STIM1: variants seen among roughly 807,000 people sequenced by gnomAD.
The protein encoded by STIM1 is stromal interaction molecule 1.
Under a neutral mutation model 74.7 loss-of-function variants are expected in STIM1, and 25 were observed. The ratio of observed to expected loss-of-function variants is 0.33; its 90% CI spans 0.24 to 0.47. The LOEUF is 0.47. Ranked by LOEUF, STIM1 falls within the 20% of genes least tolerant of loss-of-function variation. STIM1 has a pLI of 1.00. For synonymous variants in STIM1, 328 were observed against 348.8 expected (o/e 0.94, Z 0.66); for missense variants, 728 against 920.8 (o/e 0.79, Z 2.71).
At chr11:3,977,170 G>C (rs1309422092) in intron 2 of STIM1, among the ~76,000 whole-genome samples, 1 of 152,136 alleles carries the variant, frequency 6.6e-6, no homozygotes, top group Non-Finnish European at 1.5e-5. Context: ...TATCTGGTTT[G>C]TCTCTCTTTT....
chr11:3,967,151 G>A (rs1029267873), intron 1 of STIM1, among the ~76,000 whole-genome samples: 4 of 152,190 alleles, frequency 2.6e-5, no homozygotes, highest in Non-Finnish European at 5.9e-5. Context: ...TTACATTTGT[G>A]TATTTGGCTG....
At chr11:3,876,148 A>G (rs1399191416) in intron 1 of STIM1, among the ~76,000 whole-genome samples, 2 of 152,186 alleles carry the variant, frequency 1.3e-5, no homozygotes, top group Non-Finnish European at 2.9e-5. Context: ...AAGTAAGATA[A>G]TGTATGTGAA....
At chr11:4,009,565 G>A (rs988455231) in intron 2 of STIM1, among the ~76,000 whole-genome samples, 84 of 151,796 alleles carry the variant, frequency 5.5e-4, no homozygotes, top group Non-Finnish European at 8.8e-5. Flanking sequence ...CTGAGATCAT[G>A]CCACTGCACT....
intron 2 of STIM1, among the ~76,000 whole-genome samples, chr11:4,000,027 G>T (rs1053795405): frequency 6.6e-6 from 1 of 152,122 alleles, no homozygotes; most frequent in Non-Finnish European, 1.5e-5. Context: ...CAGCGAGGCT[G>T]GGGGAGGGGC....
At chr11:3,985,143 C>T (rs1053175420) in intron 2 of STIM1, among the ~76,000 whole-genome samples, 4 of 152,142 alleles carry the variant, frequency 2.6e-5, no homozygotes, top group East Asian at 1.9e-4. Flanking sequence ...GAAAACCCGA[C>T]GGTGGCTTGC....
intron 1 of STIM1, among the ~76,000 whole-genome samples, chr11:3,900,667 C>G (rs1159913407): frequency 6.6e-6 from 1 of 152,210 alleles, no homozygotes; most frequent in African/African-American, 2.4e-5. Context: ...CTCACTGCAG[C>G]CTTCTGGGCA....
intron 1 of STIM1, among the ~76,000 whole-genome samples, chr11:3,861,800 T>A (rs1212546607): frequency 6.6e-6 from 1 of 152,092 alleles, no homozygotes; most frequent in African/African-American, 2.4e-5. Context: ...CCCTTAGGGA[T>A]ATGGGGCCTT....
intron 2 of STIM1, among the ~76,000 whole-genome samples, chr11:3,993,397 C>G (rs1016069822): frequency 7.2e-5 from 11 of 152,180 alleles, no homozygotes; most frequent in Admixed American, 6.5e-5. Flanking sequence ...TGGCTCAAGC[C>G]TGTAATCCCA....
At chr11:3,870,289 A>G (rs543918436) in intron 1 of STIM1, among the ~76,000 whole-genome samples, 21 of 152,324 alleles carry the variant, frequency 1.4e-4, no homozygotes, top group African/African-American at 4.6e-4. Flanking sequence ...CCTTGACTCT[A>G]GGAAAATCAG....
At chr11:3,988,774 G>C (rs746924833) in intron 2 of STIM1, among the ~76,000 whole-genome samples, 46 of 152,312 alleles carry the variant, frequency 3.0e-4, no homozygotes, top group Non-Finnish European at 5.0e-4. Flanking sequence ...CATGGGAATA[G>C]AAGTAATTTA....
intron 4 of STIM1, among the ~76,000 whole-genome samples, chr11:4,058,242 A>G (rs531383988): frequency 6.6e-6 from 1 of 152,316 alleles, no homozygotes; most frequent in South Asian, 2.1e-4. Context: ...GCAACTTATG[A>G]TCAGACAAAT....
chr11:4,028,653 G>T (rs907265685), intron 3 of STIM1, among the ~76,000 whole-genome samples: 1 of 151,076 alleles, frequency 6.6e-6, no homozygotes. Context: ...TAGGTGATCC[G>T]CCTGCCTCGG....
intron 1 of STIM1, among the ~76,000 whole-genome samples, chr11:3,951,853 G>T (rs17279635): frequency 0.24 from 36,870 of 152,038 alleles, 5,619 homozygotes; most frequent in South Asian, 0.45. Context: ...GCACAAGAAC[G>T]TTTGGGTCAG....
intron 1 of STIM1, among the ~76,000 whole-genome samples, chr11:3,867,772 T>G (rs1045396775): frequency 1.3e-5 from 2 of 152,224 alleles, no homozygotes; most frequent in African/African-American, 4.8e-5. Flanking sequence ...TTTCCTCGGT[T>G]GGCCATATAC....
intron 6 of STIM1, among the ~76,000 whole-genome samples, chr11:4,072,143 C>A (rs937439344): frequency 6.6e-6 from 1 of 152,176 alleles, no homozygotes; most frequent in African/African-American, 2.4e-5. Context: ...CCCAGCACTC[C>A]CTGCTCCCTA....
At chr11:4,064,037 AT>A (rs1355624174) in intron 5 of STIM1, among the ~76,000 whole-genome samples, 1 of 152,096 alleles carries the variant, frequency 6.6e-6, no homozygotes, top group East Asian at 1.9e-4. Flanking sequence ...GGGTTTCCTT[AT>A]CTGTAAAATG....
At chr11:3,936,668 G>T (rs918330178) in intron 1 of STIM1, among the ~76,000 whole-genome samples, 1 of 152,206 alleles carries the variant, frequency 6.6e-6, no homozygotes, top group African/African-American at 2.4e-5. Context: ...AGTGACCTTA[G>T]TAGTGGCTGC....
chr11:4,042,335 A>G (rs1475291642), intron 3 of STIM1, among the ~76,000 whole-genome samples: 1 of 152,170 alleles, frequency 6.6e-6, no homozygotes, highest in Non-Finnish European at 1.5e-5. Context: ...CTGACCTAAT[A>G]CAATATAGGA....
At chr11:4,081,760 C>T (rs1388053096) in intron 7 of STIM1, among the ~76,000 whole-genome samples, 1 of 152,218 alleles carries the variant, frequency 6.6e-6, no homozygotes, top group Non-Finnish European at 1.5e-5. Context: ...GGGACCAGAA[C>T]TAGATTTTCA....
Sources: allele counts gnomAD v4.1 joint callset (sites outside exome capture counted in the v4.1 genomes callset), GRCh38; gene constraint gnomAD v4.1.1; transcripts MANE v1.5; gene names NCBI Gene and HGNC (gene_info 2026-07-23, HGNC 2026-07-21).